KPTN: variants seen among roughly 807,000 people sequenced by gnomAD.
KPTN encodes kaptin, actin binding protein, also known as KICSTOR complex protein kaptin.
Under a neutral mutation model 52.6 loss-of-function variants are expected in KPTN, and 36 were observed. The observed-to-expected ratio is 0.68, with a 90% CI of 0.52 to 0.90. The LOEUF is 0.90. Ranked by LOEUF, KPTN falls within the 40% of genes least tolerant of loss-of-function variation. KPTN has a pLI of 0.00. For missense variants in KPTN, 529 were observed against 576.2 expected, an observed-to-expected ratio of 0.92 and a Z score of 0.84; for synonymous variants, 271 against 248.4, an observed-to-expected ratio of 1.09 and a Z score of -0.85.
At chr19:47,479,364 G>A (rs1180009834) in intron 8 of KPTN, among the ~76,000 whole-genome samples, 1 of 152,194 alleles carries the variant, frequency 6.6e-6, no homozygotes, top group African/African-American at 2.4e-5. Context: ...GCCAGTCAGG[G>A]ACAGACCCCA....
chr19:47,482,297 T>A (rs1271304230), intron 4 of KPTN, among the ~76,000 whole-genome samples: 1 of 152,152 alleles, frequency 6.6e-6, no homozygotes, highest in Non-Finnish European at 1.5e-5. Flanking sequence ...GAGACTAGCC[T>A]GGCCAACATG....
chr19:47,483,410 C>G (rs1318623997), intron 2 of KPTN, 31 bp from the exon 3 acceptor site: 3 of 1,606,896 alleles, frequency 1.9e-6, no homozygotes, highest in Non-Finnish European at 2.6e-6. Context: ...CAGGGGAGGG[C>G]AGGGGTGGCA....
At chr19:47,476,983 T>G in intron 9 of KPTN, 45 bp from the exon 10 acceptor site, 1 of 1,539,444 alleles carries the variant, frequency 6.5e-7, no homozygotes, top group South Asian at 1.2e-5. Flanking sequence ...CAGCTTGCAG[T>G]GCCCAGCACC....
intron 8 of KPTN, among the ~76,000 whole-genome samples, chr19:47,478,716 C>G (rs1048998177): frequency 6.6e-6 from 1 of 152,024 alleles, no homozygotes; most frequent in Non-Finnish European, 1.5e-5. Flanking sequence ...GAGTACTACT[C>G]AAGTCATAAA....
Position 47,480,983 on chromosome 19 carries a change from T to A in KPTN, c.500A>T (p.Asp167Val). Residue 167 changes from aspartate to valine, a missense_variant, in exon 5 of 12, where the codon GAC (aspartate) becomes GTC (valine). Asp to Val is a radical substitution (Grantham distance 152). Transcript: ENST00000338134. ...LETVFLLSGNDPAIHLYKENE... is the reference protein window; with the variant it reads ...LETVFLLSGNVPAIHLYKENE... Reference sequence around the variant, plus strand: ...CTCCTTGTAGAGATGAATGGCCGGGTCGTTCCCACTCAAGAGAAACACAGT... The same window carrying A: ...CTCCTTGTAGAGATGAATGGCCGGGACGTTCCCACTCAAGAGAAACACAGT... The A allele has an allele frequency of 1.2e-6, 2 of 1,600,010 alleles. No individual in the cohort carries two copies. Among genetic ancestry groups the A allele is most frequent in the Non-Finnish European group, 1.7e-6 (2 of 1,172,662 alleles).
rs544208466 is a variant in KPTN at position 47,481,012 on chromosome 19, A to G, written c.471T>C (p.Leu157=). 1.3e-6 allele frequency: 2 copies of G among 1,589,380 alleles called. No homozygotes were observed. The highest frequency in any genetic ancestry group is 3.6e-5 in the Admixed American group (2 of 55,740). Residue 157 remains leucine (L), a synonymous_variant, in exon 5 of 12, where the codon CTT becomes CTC. Coordinates refer to ENST00000338134, the MANE Select transcript of KPTN (RefSeq NM_007059.4). ...TCCCACTCAAGAGAAACACAGTCTC[A>G]AGTTGATCCCCGACCTGGACCCTGA... The part of the protein sequence containing the change: ...CHAEVQVGDQ[L]ETVFLLSGND...
At position 47,483,526 on chromosome 19, in the gene KPTN, C is replaced by T; in HGVS notation, c.285G>A (p.Leu95=). The T allele has an allele frequency of 6.3e-7, 1 of 1,586,486 alleles. No individual in the cohort carries two copies. Among genetic ancestry groups the T allele is most frequent in the Non-Finnish European group, 8.6e-7 (1 of 1,165,862 alleles). ...TFNKSPPKRG[L]VVGITFIKDS... is the part of the protein sequence containing the mutation. ...CCTTGATGAACGTGATCCCCACAAC[C>T]AGACCCCGCTTGGGGGGTGACTTGT... Residue 95 remains leucine, a synonymous_variant, in exon 2 of 12, where the codon CTG becomes CTA. Coordinates refer to ENST00000338134, the MANE Select transcript of KPTN (RefSeq NM_007059.4).
chr19:47,481,980 G>C (rs1420498172), intron 4 of KPTN, among the ~76,000 whole-genome samples: 1 of 152,188 alleles, frequency 6.6e-6, no homozygotes, highest in Non-Finnish European at 1.5e-5. Flanking sequence ...TCGTACTGTA[G>C]AATATTCAAA....
At chr19:47,480,529 G>T in intron 6 of KPTN, 122 bp from the exon 7 acceptor site, 2 of 779,096 alleles carry the variant, frequency 2.6e-6, no homozygotes, top group South Asian at 1.8e-5. Context: ...GATTCCTCCT[G>T]GATAATCCCC....
At position 47,484,029 on chromosome 19, in the gene KPTN, G is replaced by A. The variant is rs749805906; in HGVS notation, c.132C>T (p.Ala44=). The A allele has an allele frequency of 9.9e-6, 16 of 1,612,504 alleles. No individual in the cohort carries two copies. The East Asian group carries it at 3.3e-4, about 34-fold the overall frequency. Residue 44 remains alanine, a synonymous_variant, in exon 1 of 12, where the codon GCC becomes GCT. Coordinates refer to ENST00000338134, the MANE Select transcript of KPTN (RefSeq NM_007059.4). ...GAGGRGELLA[A]TLKGKVLGFR... Reference sequence around the variant, plus strand: ...AGCCGAGCACCTTGCCTTTAAGGGTGGCGGCCAGCAGCTCCCCGCGCCCGC... The same window carrying A: ...AGCCGAGCACCTTGCCTTTAAGGGTAGCGGCCAGCAGCTCCCCGCGCCCGC...
At position 47,481,051 on chromosome 19, in the gene KPTN, T is replaced by C; in HGVS notation, c.450-18A>G. 3 of 1,563,126 alleles carry C rather than the reference T, an allele frequency of 1.9e-6. No individual in the cohort carries two copies. In the South Asian group the frequency reaches 3.5e-5, roughly 18 times the overall value. On this transcript the variant is annotated intron_variant, in intron 4 of 11. Transcript: ENST00000338134. ...CCTGGACCCTGAAAGCAGAGAAATC[T>C]AGAACCCAAGGTAGTGGAATCCACA...
In KPTN at chr19:47,478,511, G is replaced by A. The variant is rs192582834; in HGVS notation, c.788-730C>T. Reference sequence around the variant, plus strand: ...GAGAATTGCTTGAACCTGGGAGGTGGAGGTGATAGTGAGCCGAGATTGTGC... The same window carrying A: ...GAGAATTGCTTGAACCTGGGAGGTGAAGGTGATAGTGAGCCGAGATTGTGC... On this transcript the variant is annotated intron_variant, in intron 8 of 11. Transcript: ENST00000338134. 8.7e-5 allele frequency among the ~76,000 whole-genome samples: 12 copies of A among 138,726 alleles called. No individual in the cohort carries two copies. The East Asian group carries it at 2.6e-3, about 30-fold the overall frequency. The allele number at this position is 138,726 out of a possible 152,430, so 91.0% of individuals were successfully genotyped here. A position where few individuals can be genotyped will look rare whatever the true frequency, so the allele number is the denominator to read the frequency against.
At chr19:47,482,362 G>A (rs1237323089) in intron 4 of KPTN, among the ~76,000 whole-genome samples, 3 of 151,824 alleles carry the variant, frequency 2.0e-5, no homozygotes, top group Admixed American at 6.6e-5. Flanking sequence ...GGTGGTGTGA[G>A]CCTGTAATCC....
rs1187144991 is a variant in KPTN at position 47,480,369 on chromosome 19, G to C, written c.638C>G (p.Ser213Cys). The change falls in exon 7 of 12, where the codon TCC becomes TGC. Residue 213 changes from serine (S) to cysteine (C), a missense_variant. Physicochemically the swap from Ser to Cys is moderately radical, Grantham distance 112 (BLOSUM62 -1). Transcript: ENST00000338134. ...WLDVHNFPGTSRRLSALGCQS... is the reference protein window; with the variant it reads ...WLDVHNFPGTCRRLSALGCQS... ...ACAGCCCAGAGCTGAGAGGCGCCGGGACGTGCCGGGGAAGTTGTGGACGTC... is the reference window on the plus strand; with the variant it reads ...ACAGCCCAGAGCTGAGAGGCGCCGGCACGTGCCGGGGAAGTTGTGGACGTC... 1 of 1,549,596 alleles carries C rather than the reference G, an allele frequency of 6.5e-7. No individual in the cohort carries two copies. Among genetic ancestry groups the C allele is most frequent in the East Asian group, 2.4e-5 (1 of 40,818 alleles).
chr19:47,483,169 G>C lies in KPTN; in HGVS notation c.441C>G (p.Cys147Trp). ...GCGCAGGGGACACTCACTCCGCATG[G>C]CACAGCTGGAACGGAGTGAACTGGA... ...LELQFTPFQL[C>W]HAEVQVGDQL... The change falls in exon 4 of 12, where the codon TGC becomes TGG. Residue 147 changes from cysteine to tryptophan, a missense_variant. Physicochemically the swap from Cys to Trp is radical, Grantham distance 215. Coordinates refer to ENST00000338134, the MANE Select transcript of KPTN (RefSeq NM_007059.4). The C allele has an allele frequency of 6.2e-7, 1 of 1,613,894 alleles. No individual in the cohort carries two copies. Among genetic ancestry groups the C allele is most frequent in the Non-Finnish European group, 8.5e-7 (1 of 1,179,890 alleles).
rs16972230 is a variant in KPTN at position 47,483,667 on chromosome 19, A to G, written c.227-83T>C. The stretch of plus-strand genomic sequence containing the variant: ...AACATGGTGAGCTCTGGCTACCGCA[A>G]TGATCATGCCCTCTGGTCTGAGTCC... On this transcript the variant is annotated intron_variant, in intron 1 of 11. Coordinates refer to ENST00000338134, the MANE Select transcript of KPTN (RefSeq NM_007059.4). 0.13 allele frequency: 141,469 copies of G among 1,082,598 alleles called. 10,462 individuals carry two copies. Among genetic ancestry groups the G allele is most frequent in the Admixed American group, 0.24 (11,535 of 47,118 alleles). 67.1% of individuals were successfully genotyped at this position (1,082,598 alleles called of 1,614,324 possible). A position where few individuals can be genotyped will look rare whatever the true frequency, so the allele number is the denominator to read the frequency against.
Position 47,480,672 on chromosome 19 carries a change from G to A in KPTN, c.599+88C>T, listed in dbSNP as rs550739821. 8.0e-5 allele frequency: 99 copies of A among 1,234,084 alleles called. 1 individual carries two copies. In the African/African-American group the frequency reaches 1.3e-3, roughly 16 times the overall value. The allele number at this position is 1,234,084 out of a possible 1,614,324, so 76.4% of individuals were successfully genotyped here. On this transcript the variant is annotated intron_variant, in intron 6 of 11. Coordinates refer to ENST00000338134, the MANE Select transcript of KPTN (RefSeq NM_007059.4). ...GACTGATTTTTCTGAGCTCCTCCCCGGTGACCAATTTCTCTAAGGTCTCAC... is the reference window on the plus strand; with the variant it reads ...GACTGATTTTTCTGAGCTCCTCCCCAGTGACCAATTTCTCTAAGGTCTCAC...
At chr19:47,484,979 C>T (rs538744559), upstream of KPTN, among the ~76,000 whole-genome samples, 108 of 152,252 alleles carry the variant, frequency 7.1e-4, no homozygotes, top group African/African-American at 2.4e-3. Flanking sequence ...GGATTATAGG[C>T]GTGAGCCCCC....
At position 47,476,911 on chromosome 19, in the gene KPTN, G is replaced by A. The variant is rs1262426001; in HGVS notation, c.891C>T (p.Asp297=). ...YRDLLNRGLE[D]QLLLPGSDQF... ...GGTCACTGCCGGGCAGGAGAAGCTG[G>A]TCTTCAAGACCCCGGTTCAGCAGGT... The change falls in exon 10 of 12, where the codon GAC becomes GAT. Residue 297 remains aspartate, a synonymous_variant. Transcript: ENST00000338134. The A allele has an allele frequency of 6.4e-7, 1 of 1,559,112 alleles. No individual in the cohort carries two copies. The highest frequency in any genetic ancestry group is 8.7e-7 in the Non-Finnish European group (1 of 1,150,980).
Sources: gnomAD v4.1 joint callset for allele counts (sites outside exome capture counted in the v4.1 genomes callset) on GRCh38, gnomAD v4.1.1 for gene constraint, MANE v1.5 for transcripts, NCBI Gene and HGNC (gene_info 2026-07-23, HGNC 2026-07-21) for gene names.